DDX50: variants seen among roughly 807,000 people sequenced by gnomAD.
DDX50 encodes DExD-box helicase 50.
A neutral mutation model predicts 94.8 loss-of-function variants in DDX50; 56 were observed. That is an observed-to-expected ratio of 0.59 (90% CI 0.48 to 0.74). The LOEUF is 0.74. DDX50 is among the 30% of genes least tolerant of loss of function. The probability of loss-of-function intolerance (pLI) is 0.00; values close to 1 mark genes in which losing one functional copy is unlikely to be tolerated. For synonymous variants in DDX50, 264 were observed against 295.4 expected (o/e 0.89, Z 1.09); for missense variants, 713 against 881.2 (o/e 0.81, Z 2.42).
At position 68,934,226 on chromosome 10, in the gene DDX50, GCACAGT is replaced by G. The variant is rs1304754279; in HGVS notation, c.1272_1277del (p.Ser425_Gln426del). ...TGCCCAGTGTTTACATGGGGACATT[GCACAGT>G]CACAAAGAGAAATTACACTAAAAGG... On this transcript the variant is annotated inframe_deletion, in exon 9 of 15. Coordinates refer to ENST00000373585, the MANE Select transcript of DDX50 (RefSeq NM_024045.2). This position sits in a 1 kb window ranked among gnomAD's most constrained non-coding sequence, Gnocchi z 4.0. 1 of 1,611,954 alleles carries G rather than the reference GCACAGT, an allele frequency of 6.2e-7. No homozygotes were observed. Among genetic ancestry groups the G allele is most frequent in the Admixed American group, 1.7e-5 (1 of 59,918 alleles).
At chr10:68,904,282 G>A (rs1841378950) in intron 1 of DDX50, among the ~76,000 whole-genome samples, 1 of 152,154 alleles carries the variant, frequency 6.6e-6, no homozygotes, top group Non-Finnish European at 1.5e-5. Flanking sequence ...CTGCACTCCA[G>A]CCTGGGAGAC....
At chr10:68,946,228 G>T in intron 14 of DDX50, 124 bp from the exon 15 acceptor site, 1 of 1,194,604 alleles carries the variant, frequency 8.4e-7, no homozygotes. Flanking sequence ...TTTTGTTCCA[G>T]ATACGTTAAC....
intron 7 of DDX50, 73 bp downstream of exon 7, chr10:68,914,277 T>G: frequency 6.4e-7 from 1 of 1,573,672 alleles, no homozygotes; most frequent in Non-Finnish European, 8.6e-7. Context: ...TGAAGCTAAA[T>G]TTAAGTTTTG....
Position 68,901,405 on chromosome 10 carries a change from G to C in DDX50, c.21G>C (p.Trp7Cys). The change falls in exon 1 of 15, where the codon TGG becomes TGC. Residue 7 changes from tryptophan to cysteine, a missense_variant. This residue lies in a region of DDX50 where 285 missense variants were observed against 278.9 expected (regional missense o/e 1.02). Coordinates refer to ENST00000373585, the MANE Select transcript of DDX50 (RefSeq NM_024045.2). MPGKLL[W>C]GDIMELEAPL... ...CAGTAATGCCTGGGAAACTCCTCTG[G>C]GGGGACATTATGGAGCTGGAAGCAC... 6.4e-7 allele frequency: 1 copy of C among 1,567,608 alleles called. No homozygotes were observed. The highest frequency in any genetic ancestry group is 8.6e-7 in the Non-Finnish European group (1 of 1,156,936).
At position 68,906,976 on chromosome 10, in the gene DDX50, C is replaced by A; in HGVS notation, c.353C>A (p.Thr118Asn). 1 of 1,586,230 alleles carries A rather than the reference C, an allele frequency of 6.3e-7. No homozygotes were observed. The highest frequency in any genetic ancestry group is 2.2e-5 in the East Asian group (1 of 44,630). ...CGAGTATCATCTTTAGATACTTCTA[C>A]TCATAAATCAAGTGATAATAAACTA... is the stretch of plus-strand genomic sequence containing the variant. ...SKRVSSLDTSTHKSSDNKLEE... is the reference protein window; with the variant it reads ...SKRVSSLDTSNHKSSDNKLEE... Residue 118 changes from threonine (T) to asparagine (N), a missense_variant, in exon 2 of 15, where the codon ACT (threonine) becomes AAT (asparagine). Thr to Asn is a moderately conservative substitution (Grantham distance 65, BLOSUM62 0). Coordinates refer to ENST00000373585, the MANE Select transcript of DDX50 (RefSeq NM_024045.2).
At chr10:68,943,016 G>A (rs967068548) in intron 13 of DDX50, among the ~76,000 whole-genome samples, 197 bp from the exon 14 acceptor site, 1 of 152,072 alleles carries the variant, frequency 6.6e-6, no homozygotes, top group African/African-American at 2.4e-5. Context: ...ACAACATATA[G>A]GGTCTACACA....
At position 68,906,711 on chromosome 10, in the gene DDX50, A is replaced by G. The variant is rs558140156; in HGVS notation, c.88A>G (p.Ser30Gly). 3 of 1,604,942 alleles carry G rather than the reference A, an allele frequency of 1.9e-6. No homozygotes were observed. The highest frequency in any genetic ancestry group is 2.7e-5 in the African/African-American group (2 of 74,160). ...SESQKKERQK[S>G]DRRKSRHHYD... ...TCATTGCTTCTTTGTTTGTTCACAG[A>G]GTGACAGAAGGAAGTCAAGGCACCA... Residue 30 changes from serine to glycine, a missense_variant and splice_region_variant, in exon 2 of 15, where the codon AGT becomes GGT. Around this residue, in one of 2 missense-constraint regions of DDX50, gnomAD observed 285 missense variants for 278.9 expected, o/e 1.02. Coordinates refer to ENST00000373585, the MANE Select transcript of DDX50 (RefSeq NM_024045.2).
chr10:68,916,418 C>T lies in DDX50; in HGVS notation c.1089+2214C>T, dbSNP rs190642201. Among the ~76,000 whole-genome samples, 465 of 149,866 alleles carry T rather than the reference C, an allele frequency of 3.1e-3. 3 individuals carry two copies. The highest frequency in any genetic ancestry group is 0.011 in the African/African-American group (437 of 40,710). Reference sequence around the variant, plus strand: ...TATTTTGTAATGGTTGAAAGTTTTGCAGTAAGAATGTAAAATGTATAGTAA... The same window carrying T: ...TATTTTGTAATGGTTGAAAGTTTTGTAGTAAGAATGTAAAATGTATAGTAA... On this transcript the variant is annotated intron_variant, in intron 7 of 14. Transcript: ENST00000373585.
chr10:68,925,962 C>T (rs1474906419), intron 8 of DDX50, among the ~76,000 whole-genome samples: 4 of 147,326 alleles, frequency 2.7e-5, no homozygotes, highest in Admixed American at 1.4e-4. Context: ...TGCAGTGAGC[C>T]GAGATCGCGC....
intron 8 of DDX50, among the ~76,000 whole-genome samples, chr10:68,922,726 G>C (rs1212680337): frequency 6.6e-6 from 1 of 152,000 alleles, no homozygotes; most frequent in East Asian, 1.9e-4. Flanking sequence ...CCAGGAGCTA[G>C]AGGTTACAAT....
At chr10:68,907,177 C>G (rs967546253) in intron 2 of DDX50, among the ~76,000 whole-genome samples, 170 bp downstream of exon 2, 1 of 152,054 alleles carries the variant, frequency 6.6e-6, no homozygotes, top group South Asian at 2.1e-4. Context: ...TCCTTTGGCC[C>G]TTGTTTATTT....
At chr10:68,941,269 T>C (rs905691007) in intron 13 of DDX50, 75 bp downstream of exon 13, 9 of 1,568,804 alleles carry the variant, frequency 5.7e-6, no homozygotes, top group Non-Finnish European at 7.8e-6. Context: ...CAAATTTTGT[T>C]CTTTCTCTTT....
chr10:68,943,502 T>A (rs1191993371), intron 14 of DDX50, among the ~76,000 whole-genome samples: 1 of 152,174 alleles, frequency 6.6e-6, no homozygotes, highest in African/African-American at 2.4e-5. Flanking sequence ...GCTCAAGTGA[T>A]CCTCCCACCT....
At chr10:68,929,011 C>T (rs997886969) in intron 8 of DDX50, among the ~76,000 whole-genome samples, 7 of 151,682 alleles carry the variant, frequency 4.6e-5, no homozygotes, top group African/African-American at 1.2e-4. Flanking sequence ...TGCAGTGGCG[C>T]GATCTCGGCT....
intron 10 of DDX50, 35 bp from the exon 11 acceptor site, chr10:68,935,971 T>TC (rs768700661): frequency 2.1e-6 from 3 of 1,413,980 alleles, no homozygotes; most frequent in Admixed American, 4.1e-5. Context: ...TGTAAAGACT[T>TC]CCATTTTTCT....
chr10:68,914,078 G>T lies in DDX50; in HGVS notation c.963G>T (p.Gln321His). Residue 321 changes from glutamine to histidine, a missense_variant, in exon 7 of 15, where the codon CAG (glutamine) becomes CAT (histidine). Gln to His is a conservative substitution (Grantham distance 24). This residue lies in a region of DDX50 where 428 missense variants were observed against 602.3 expected (regional missense o/e 0.71). Transcript: ENST00000373585. ...TTTAAGATTCTGAAGACAATCCTCA[G>T]ACTTTACTTTTTTCTGCAACTTGCC... Reference protein sequence around the residue: ...SYKTDSEDNPQTLLFSATCPQ... With the variant: ...SYKTDSEDNPHTLLFSATCPQ... The T allele has an allele frequency of 6.3e-7, 1 of 1,599,402 alleles. No homozygotes were observed. Among genetic ancestry groups the T allele is most frequent in the South Asian group, 1.1e-5 (1 of 87,498 alleles).
chr10:68,909,980 C>G (rs1277696544), intron 2 of DDX50, among the ~76,000 whole-genome samples: 3 of 152,100 alleles, frequency 2.0e-5, no homozygotes, highest in African/African-American at 7.2e-5. Flanking sequence ...CTCTTGAGGC[C>G]AGGAGTTTAA....
chr10:68,931,432 A>ACACACAC (rs1261998646), intron 8 of DDX50, among the ~76,000 whole-genome samples: 1,333 of 61,426 alleles, frequency 0.022, 51 homozygotes, highest in South Asian at 0.039. Flanking sequence ...TATATACACA[A>ACACACAC]ACACACACAC....
chr10:68,934,653 CA>C lies in DDX50; in HGVS notation c.1402-142del. On this transcript the variant is annotated intron_variant, in intron 9 of 14. Transcript: ENST00000373585. This position sits in a 1 kb window ranked among gnomAD's most constrained non-coding sequence, Gnocchi z 4.0. The stretch of plus-strand genomic sequence containing the variant: ...GTTTTAAATCATATTGCCTTTACCC[CA>C]AAATCCACACATATAAATTGTTTGG... 1 of 1,114,398 alleles carries C rather than the reference CA, an allele frequency of 9.0e-7. No homozygotes were observed. The highest frequency in any genetic ancestry group is 1.2e-6 in the Non-Finnish European group (1 of 807,266). The allele number at this position is 1,114,398 out of a possible 1,614,324, so 69.0% of individuals were successfully genotyped here. A position where few individuals can be genotyped will look rare whatever the true frequency, so the allele number is the denominator to read the frequency against.
Sources: allele counts gnomAD v4.1 joint callset (sites outside exome capture counted in the v4.1 genomes callset), GRCh38; gene constraint gnomAD v4.1.1; regional missense constraint gnomAD v4.1.1; non-coding constraint Gnocchi (gnomAD v3.1); transcripts MANE v1.5; gene names NCBI Gene and HGNC (gene_info 2026-07-23, HGNC 2026-07-21).